The following SMAD9 variants were observed in gnomAD, a reference collection of about 807,000 sequenced individuals.
SMAD9 encodes the protein SMAD family member 9.
A neutral mutation model predicts 46.1 loss-of-function variants in SMAD9; 36 were observed. The ratio of observed to expected loss-of-function variants is 0.78; its 90% CI spans 0.60 to 1.03. The LOEUF (loss-of-function observed/expected upper bound fraction) is 1.03, where lower values mean the gene tolerates loss of function less well. SMAD9 is among the 50% of genes least tolerant of loss of function. The pLI, the probability that SMAD9 is intolerant of heterozygous loss-of-function variation, is 0.00. For synonymous variants in SMAD9, 245 were observed against 237.1 expected, an observed-to-expected ratio of 1.03 and a Z score of -0.31; for missense variants, 572 against 599.8, an observed-to-expected ratio of 0.95 and a Z score of 0.48.
chr13:36,879,669 G>C lies in SMAD9; in HGVS notation c.21C>G (p.Ile7Met). Reference protein sequence around the residue: MHSTTPISSLFSFTSPA... With the variant: MHSTTPMSSLFSFTSPA... ...GGCTGGTGAAGGAGAAGAGGGAGCT[G>C]ATGGGGGTGGTGGAGTGCATAAGAG... Residue 7 changes from isoleucine (I) to methionine (M), a missense_variant, in exon 2 of 7, where the codon ATC becomes ATG. By Grantham distance (10) the Ile-to-Met change is conservative. Transcript: ENST00000379826. The C allele has an allele frequency of 6.2e-7, 1 of 1,614,220 alleles. No individual in the cohort carries two copies. The highest frequency in any genetic ancestry group is 8.5e-7 in the Non-Finnish European group (1 of 1,180,048).
At chr13:36,873,124 G>A (rs1019711718) in intron 2 of SMAD9, among the ~76,000 whole-genome samples, 25 of 152,108 alleles carry the variant, frequency 1.6e-4, no homozygotes, top group Non-Finnish European at 2.6e-4. Context: ...AGTAAGCTAA[G>A]GTAACAGTCT....
intron 1 of SMAD9, among the ~76,000 whole-genome samples, chr13:36,886,383 G>C (rs2058444897): frequency 6.6e-6 from 1 of 152,224 alleles, no homozygotes. Flanking sequence ...ATGGGAGATG[G>C]AGCCCAAATG....
At chr13:36,912,308 G>A (rs542270629) in intron 1 of SMAD9, among the ~76,000 whole-genome samples, 38 of 152,174 alleles carry the variant, frequency 2.5e-4, no homozygotes, top group African/African-American at 8.4e-4. Context: ...AGGTGGGATC[G>A]TTGAAAACCC....
At chr13:36,920,063 C>T (rs1212267459) in intron 1 of SMAD9, 53 bp downstream of exon 1, 2 of 150,808 alleles carry the variant, frequency 1.3e-5, no homozygotes, top group African/African-American at 4.9e-5. Context: ...GCGCCCCCAA[C>T]CCCGCCCCCG....
intron 1 of SMAD9, among the ~76,000 whole-genome samples, chr13:36,888,597 C>T (rs564775333): frequency 2.7e-4 from 41 of 152,236 alleles, no homozygotes; most frequent in Middle Eastern, 3.4e-3. Context: ...AGTATTTGGG[C>T]ACTTATGTAT....
chr13:36,873,844 C>G (rs1471353874), intron 2 of SMAD9, among the ~76,000 whole-genome samples: 1 of 152,078 alleles, frequency 6.6e-6, no homozygotes, highest in East Asian at 1.9e-4. Flanking sequence ...GCCTGGGTGA[C>G]AAGAGTGAAA....
Position 36,901,251 on chromosome 13 carries a change from A to C in SMAD9, c.-187+18865T>G, listed in dbSNP as rs541331123. ...TTTTAACTTTTTGAGAGACTGCCACACTATTTTCCACATCATCTGAACCAC... is the reference window on the plus strand; with the variant it reads ...TTTTAACTTTTTGAGAGACTGCCACCCTATTTTCCACATCATCTGAACCAC... On this transcript the variant is annotated intron_variant, in intron 1 of 6. Transcript: ENST00000379826. Among the ~76,000 whole-genome samples, 3 of 152,274 alleles carry C rather than the reference A, an allele frequency of 2.0e-5. No homozygotes were observed. In the South Asian group the frequency reaches 6.2e-4, roughly 32 times the overall value.
intron 1 of SMAD9, among the ~76,000 whole-genome samples, chr13:36,883,267 G>A (rs1217140567): frequency 6.7e-6 from 1 of 149,818 alleles, no homozygotes; most frequent in Non-Finnish European, 1.5e-5. Flanking sequence ...AGCATTCACT[G>A]AAAAAAAAAC....
At chr13:36,874,304 C>A (rs1241036663) in intron 2 of SMAD9, among the ~76,000 whole-genome samples, 2 of 152,128 alleles carry the variant, frequency 1.3e-5, no homozygotes, top group East Asian at 1.9e-4. Context: ...TCAAACACTG[C>A]GGGATAACTG....
chr13:36,908,886 A>G (rs570158241), intron 1 of SMAD9, among the ~76,000 whole-genome samples: 1 of 152,350 alleles, frequency 6.6e-6, no homozygotes, highest in South Asian at 2.1e-4. Flanking sequence ...CATGACTACA[A>G]GGGATATATG....
At chr13:36,903,009 G>A (rs1179058214) in intron 1 of SMAD9, among the ~76,000 whole-genome samples, 3 of 152,160 alleles carry the variant, frequency 2.0e-5, no homozygotes, top group Non-Finnish European at 2.9e-5. Flanking sequence ...AAGAAGCGTG[G>A]AAGAAAATAC....
intron 6 of SMAD9, among the ~76,000 whole-genome samples, chr13:36,853,015 GGT>G (rs2058087254): frequency 6.6e-6 from 1 of 152,198 alleles, no homozygotes; most frequent in Admixed American, 6.5e-5. Flanking sequence ...GGCTGGGCGC[GGT>G]GGCTCACGCC....
chr13:36,892,041 A>G (rs2058492482), intron 1 of SMAD9, among the ~76,000 whole-genome samples: 1 of 152,328 alleles, frequency 6.6e-6, no homozygotes, highest in Non-Finnish European at 1.5e-5. Flanking sequence ...AGAAAATGAC[A>G]GAGTACAAGA....
chr13:36,914,564 T>C (rs191573937), intron 1 of SMAD9, among the ~76,000 whole-genome samples: 2 of 152,208 alleles, frequency 1.3e-5, no homozygotes, highest in Admixed American at 1.3e-4. Context: ...TCCTTCTTCC[T>C]TCCTCACTCC....
intron 1 of SMAD9, among the ~76,000 whole-genome samples, chr13:36,918,020 A>G (rs2058712079): frequency 6.6e-6 from 1 of 152,174 alleles, no homozygotes; most frequent in African/African-American, 2.4e-5. Context: ...TTTATTACTT[A>G]TGGATATCTT....
At chr13:36,882,259 GTA>G (rs1555241889) in intron 1 of SMAD9, among the ~76,000 whole-genome samples, 6 of 142,290 alleles carry the variant, frequency 4.2e-5, no homozygotes, top group African/African-American at 1.2e-4. Flanking sequence ...GTGTGTGTGT[GTA>G]TGTGTGTGCG....
chr13:36,892,135 T>C lies in SMAD9; in HGVS notation c.-186-12260A>G, dbSNP rs145450387. 2.6e-3 allele frequency among the ~76,000 whole-genome samples: 401 copies of C among 152,312 alleles called. 1 individual carries two copies. Among genetic ancestry groups the C allele is most frequent in the Non-Finnish European group, 4.2e-3 (288 of 68,022 alleles). ...GGTATTAATGGGTGACTAGGCTTCA[T>C]TGTACCACTGACTTGAAAACTTAAA... is the stretch of plus-strand genomic sequence containing the variant. On this transcript the variant is annotated intron_variant, in intron 1 of 6. Coordinates refer to ENST00000379826, the MANE Select transcript of SMAD9 (RefSeq NM_001127217.3).
At chr13:36,859,909 G>A (rs1048990328) in intron 5 of SMAD9, among the ~76,000 whole-genome samples, 3 of 151,452 alleles carry the variant, frequency 2.0e-5, no homozygotes, top group South Asian at 2.1e-4. Flanking sequence ...GAGGCGAGCC[G>A]AGATTGTGCC....
chr13:36,913,274 T>C (rs1256696394), intron 1 of SMAD9, among the ~76,000 whole-genome samples: 1 of 152,188 alleles, frequency 6.6e-6, no homozygotes, highest in African/African-American at 2.4e-5. Context: ...TTGATCTCTT[T>C]CACGCTAACT....
Sources: gnomAD v4.1 joint callset for allele counts (sites outside exome capture counted in the v4.1 genomes callset) on GRCh38, gnomAD v4.1.1 for gene constraint, MANE v1.5 for transcripts, NCBI Gene and HGNC (gene_info 2026-07-23, HGNC 2026-07-21) for gene names.